Variants in TNRC6A observed in about 807,000 individuals in gnomAD.
TNRC6A encodes trinucleotide repeat-containing gene 6A protein.
Under a neutral mutation model 221.2 loss-of-function variants are expected in TNRC6A, and 44 were observed. The ratio of observed to expected loss-of-function variants is 0.20; its 90% CI spans 0.16 to 0.26. TNRC6A has a LOEUF of 0.26. TNRC6A is among the 10% of genes least tolerant of loss of function. TNRC6A has a pLI of 1.00. For synonymous variants in TNRC6A, 847 were observed against 838.5 expected (o/e 1.01, Z -0.18); for missense variants, 2,199 against 2,404.4 (o/e 0.91, Z 1.79).
At chr16:24,660,106 G>C (rs137924805) in intron 2 of TNRC6A, among the ~76,000 whole-genome samples, 5 of 151,638 alleles carry the variant, frequency 3.3e-5, no homozygotes, top group Non-Finnish European at 4.4e-5. Flanking sequence ...AGGTTTTGGG[G>C]GGAACAGGTA....
At position 24,779,951 on chromosome 16, in the gene TNRC6A, C is replaced by T. The variant is rs1019465805; in HGVS notation, c.589+2593C>T. On this transcript the variant is annotated intron_variant, in intron 5 of 24. Coordinates refer to ENST00000395799, the MANE Select transcript of TNRC6A (RefSeq NM_014494.4). ...TGCCATTTTGGGGCTGTGCCTCAGA[C>T]ACTTATTGATGGTTTAAATTGAGAC... Among the ~76,000 whole-genome samples, 4 of 152,168 alleles carry T rather than the reference C, an allele frequency of 2.6e-5. No individual in the cohort carries two copies. The East Asian group carries it at 5.8e-4, about 22-fold the overall frequency.
At chr16:24,707,350 GCACACA>G (rs34395729) in intron 2 of TNRC6A, among the ~76,000 whole-genome samples, 24,094 of 149,558 alleles carry the variant, frequency 0.16, 3,303 homozygotes, top group African/African-American at 0.36. Flanking sequence ...GAACATGGGC[GCACACA>G]CACACACACA....
In TNRC6A at chr16:24,823,137, G is replaced by A; in HGVS notation, c.5513+124G>A. ...CTCCTGCTGGCTGCAGTAGTGCCCT[G>A]ATTCCAAGGTCGGCATTCCTAAGCG... On this transcript the variant is annotated intron_variant, in intron 24 of 24. Coordinates refer to ENST00000395799, the MANE Select transcript of TNRC6A (RefSeq NM_014494.4). The surrounding 1 kb of genome is among the most constrained non-coding windows in gnomAD (Gnocchi z 4.3). 7.5e-7 allele frequency: 1 copy of A among 1,340,134 alleles called. No homozygotes were observed. Among genetic ancestry groups the A allele is most frequent in the Non-Finnish European group, 1.0e-6 (1 of 961,316 alleles). The allele number at this position is 1,340,134 out of a possible 1,614,324, so 83.0% of individuals were successfully genotyped here. A position where few individuals can be genotyped will look rare whatever the true frequency, so the allele number is the denominator to read the frequency against.
intron 18 of TNRC6A, among the ~76,000 whole-genome samples, chr16:24,812,259 C>T (rs896185206): frequency 6.6e-6 from 1 of 151,774 alleles, no homozygotes; most frequent in South Asian, 2.1e-4. Context: ...ACCATGTTGG[C>T]CAGGCTGGTC....
At chr16:24,675,696 CTCTCTCTATATATATATATATATATATA>C (rs1320044020) in intron 2 of TNRC6A, among the ~76,000 whole-genome samples, 201 of 76,092 alleles carry the variant, frequency 2.6e-3, no homozygotes, top group Non-Finnish European at 4.1e-3. Context: ...CTCTCTCTCT[CTCTCTCTATATATATATATATATATATA>C]TATATATATA....
intron 2 of TNRC6A, among the ~76,000 whole-genome samples, chr16:24,660,739 CTTTTTTTTTTTTTTTTTTT>C (rs58299677): frequency 4.4e-5 from 4 of 91,286 alleles, no homozygotes; most frequent in Non-Finnish European, 8.1e-5. Flanking sequence ...TTTTTTTTTT[CTTTTTTTTTTTTTTTTTTT>C]TGAGACGGAG....
chr16:24,702,953 T>C lies in TNRC6A; in HGVS notation n.403-47773T>C, dbSNP rs546837337. ...AGGAGGCTGAGGCAGGAGAATGATG[T>C]GAACCCAGGAGGCAGAGCTTGCAGT... On this transcript the variant is annotated intron_variant and non_coding_transcript_variant, in intron 2 of 2. Transcript: ENST00000566108. Among the ~76,000 whole-genome samples the C allele has an allele frequency of 7.6e-4, 115 of 151,366 alleles. 1 individual carries two copies. Among genetic ancestry groups the C allele is most frequent in the Non-Finnish European group, 1.3e-3 (89 of 67,994 alleles).
intron 3 of TNRC6A, among the ~76,000 whole-genome samples, chr16:24,754,709 G>C (rs1376276546): frequency 6.6e-6 from 1 of 152,142 alleles, no homozygotes; most frequent in Non-Finnish European, 1.5e-5. Flanking sequence ...GTTAATTATA[G>C]AGGGGTAGTT....
At chr16:24,778,546 G>A in intron 5 of TNRC6A, 1 of 962,476 alleles carries the variant, frequency 1.0e-6, no homozygotes, top group Non-Finnish European at 1.2e-6. Flanking sequence ...ATATTTACTT[G>A]CTAATTTCCC....
At chr16:24,709,939 G>A (rs2056172684) in intron 2 of TNRC6A, among the ~76,000 whole-genome samples, 1 of 150,792 alleles carries the variant, frequency 6.6e-6, no homozygotes, top group Non-Finnish European at 1.5e-5. Context: ...TTTTAAATTT[G>A]TAAATATGCT....
intron 1 of TNRC6A, among the ~76,000 whole-genome samples, chr16:24,636,346 T>C (rs1255698368): frequency 6.6e-6 from 1 of 151,338 alleles, no homozygotes; most frequent in Non-Finnish European, 1.5e-5. Context: ...GATTTGTGAT[T>C]TTATAAAATA....
intron 18 of TNRC6A, among the ~76,000 whole-genome samples, chr16:24,813,284 C>T: frequency 6.6e-6 from 1 of 152,038 alleles, no homozygotes; most frequent in Non-Finnish European, 1.5e-5. Flanking sequence ...TCCAGTAAGC[C>T]CATTGCCCAA....
At chr16:24,670,753 C>G (rs545236924) in intron 2 of TNRC6A, among the ~76,000 whole-genome samples, 1 of 152,116 alleles carries the variant, frequency 6.6e-6, no homozygotes, top group Non-Finnish European at 1.5e-5. Context: ...CTGTGCATCA[C>G]GCATCAGCTG....
At chr16:24,739,868 T>G (rs1029125310) in intron 2 of TNRC6A, among the ~76,000 whole-genome samples, 2 of 152,220 alleles carry the variant, frequency 1.3e-5, no homozygotes, top group East Asian at 1.9e-4. Context: ...GTTACTTGTG[T>G]TGTTGGCAAC....
intron 4 of TNRC6A, among the ~76,000 whole-genome samples, chr16:24,765,125 T>G (rs2057445867): frequency 6.6e-6 from 1 of 152,196 alleles, no homozygotes; most frequent in Non-Finnish European, 1.5e-5. Flanking sequence ...ATATGGTAGT[T>G]CCAGTTTTAA....
At chr16:24,778,433 C>T in intron 5 of TNRC6A, 1 of 985,418 alleles carries the variant, frequency 1.0e-6, no homozygotes. Context: ...TGGCAACATA[C>T]AGGATGTGAT....
chr16:24,686,028 C>A (rs955993470), intron 2 of TNRC6A, among the ~76,000 whole-genome samples: 3 of 152,160 alleles, frequency 2.0e-5, no homozygotes, highest in African/African-American at 7.2e-5. Context: ...TGTTGAGGGG[C>A]CTTGGAGGAG....
At chr16:24,769,552 T>C (rs1057158794) in intron 4 of TNRC6A, among the ~76,000 whole-genome samples, 2 of 152,050 alleles carry the variant, frequency 1.3e-5, no homozygotes, top group Admixed American at 1.3e-4. Flanking sequence ...TCTTTTCCAT[T>C]AAAATCTTTT....
At position 24,690,366 on chromosome 16, in the gene TNRC6A, T is replaced by C. The variant is rs550453781; in HGVS notation, n.402+49357T>C. ...GGAAATAACAAGGAAGGGAAATTATTTGGCCAGGAGTTCCCAATATATGGT... is the reference window on the plus strand; with the variant it reads ...GGAAATAACAAGGAAGGGAAATTATCTGGCCAGGAGTTCCCAATATATGGT... On this transcript the variant is annotated intron_variant and non_coding_transcript_variant, in intron 2 of 2. Transcript: ENST00000566108. 3.3e-5 allele frequency among the ~76,000 whole-genome samples: 5 copies of C among 152,272 alleles called. No individual in the cohort carries two copies. The East Asian group carries it at 9.6e-4, about 29-fold the overall frequency.
Sources: allele counts gnomAD v4.1 joint callset (sites outside exome capture counted in the v4.1 genomes callset), GRCh38; gene constraint gnomAD v4.1.1; non-coding constraint Gnocchi (gnomAD v3.1); transcripts MANE v1.5; gene names NCBI Gene and HGNC (gene_info 2026-07-23, HGNC 2026-07-21).